C5orf22: variants seen among roughly 807,000 people sequenced by gnomAD.
C5orf22 encodes the protein chromosome 5 open reading frame 22, also known as UPF0489 protein C5orf22.
C5orf22 carries 36 observed loss-of-function variants against 48.7 expected under a neutral mutation model. The ratio of observed to expected loss-of-function variants is 0.74; its 90% CI spans 0.57 to 0.98. C5orf22 has a LOEUF of 0.98. Ranked by LOEUF, C5orf22 falls within the 50% of genes least tolerant of loss-of-function variation. C5orf22 has a pLI of 0.00. For missense variants in C5orf22, 486 were observed against 521.9 expected, an observed-to-expected ratio of 0.93 and a Z score of 0.67; for synonymous variants, 141 against 180.8, an observed-to-expected ratio of 0.78 and a Z score of 1.76.
At chr5:31,547,992 C>T (rs1347246746) in intron 7 of C5orf22, among the ~76,000 whole-genome samples, 1 of 152,174 alleles carries the variant, frequency 6.6e-6, no homozygotes, top group Admixed American at 6.6e-5. Context: ...CTTTTATGCC[C>T]TGTTTCTCTC....
At chr5:31,535,187 A>G (rs1166337718) in intron 2 of C5orf22, 1 of 341,964 alleles carries the variant, frequency 2.9e-6, no homozygotes, top group African/African-American at 2.2e-5. Flanking sequence ...GCAATTCAGT[A>G]TCAAGTGTGA....
intron 6 of C5orf22, among the ~76,000 whole-genome samples, chr5:31,541,772 AAGAG>A (rs1022739533): frequency 6.6e-6 from 1 of 152,142 alleles, no homozygotes; most frequent in African/African-American, 2.4e-5. Context: ...TGTCTCAAAA[AAGAG>A]AGAAAAAAAA....
intron 5 of C5orf22, 76 bp from the exon 6 acceptor site, chr5:31,541,205 G>T (rs1031878367): frequency 1.3e-6 from 2 of 1,497,626 alleles, no homozygotes; most frequent in African/African-American, 2.8e-5. Flanking sequence ...ATAGAGCCAA[G>T]TTTTTTTTGT....
intron 4 of C5orf22, 29 bp from the exon 5 acceptor site, chr5:31,540,920 G>A (rs763190322): frequency 6.5e-7 from 1 of 1,542,148 alleles, no homozygotes; most frequent in Non-Finnish European, 8.9e-7. Flanking sequence ...TTTTTTTCTG[G>A]TATGTGGATT....
rs572537864 is a variant in C5orf22 at position 31,552,024 on chromosome 5, AG to A, written c.1199+593del. 1.3e-3 allele frequency among the ~76,000 whole-genome samples: 196 copies of A among 152,288 alleles called. 1 individual carries two copies. The highest frequency in any genetic ancestry group is 2.3e-3 in the Non-Finnish European group (159 of 68,022). ...ATAACTAATTCCAGTTCTTCTATAA[AG>A]ATTTCTGTGCTGCTCTTCTCACTCT... On this transcript the variant is annotated intron_variant, in intron 8 of 8. Transcript: ENST00000325366.
rs554702774 is a variant in C5orf22, at chr5:31,545,800, G to A, written c.1059+88G>A. The A allele has an allele frequency of 5.6e-5, 46 of 818,952 alleles. No individual in the cohort carries two copies. The African/African-American group carries it at 6.1e-4, about 11-fold the overall frequency. The allele number at this position is 818,952 out of a possible 1,614,324, so 50.7% of individuals were successfully genotyped here. On this transcript the variant is annotated intron_variant, in intron 7 of 8. Transcript: ENST00000325366. ...AATTTCCTTTTTGTTAAAGTGGTTC[G>A]TTTTTGTTTGTGTTCCTGTGAAGTC...
At chr5:31,535,296 A>T (rs1305593196) in intron 2 of C5orf22, among the ~76,000 whole-genome samples, 4 of 152,354 alleles carry the variant, frequency 2.6e-5, no homozygotes, top group African/African-American at 9.6e-5. Flanking sequence ...TATGCTTCAA[A>T]CTATGTAGCA....
intron 6 of C5orf22, among the ~76,000 whole-genome samples, chr5:31,544,965 G>T (rs1279497503): frequency 8.5e-6 from 1 of 118,094 alleles, no homozygotes; most frequent in African/African-American, 3.5e-5. Context: ...ACAAATAAAC[G>T]TGTCCTTAAT....
At chr5:31,536,630 T>C (rs914176077) in intron 3 of C5orf22, among the ~76,000 whole-genome samples, 8 of 152,216 alleles carry the variant, frequency 5.3e-5, no homozygotes, top group Admixed American at 6.5e-5. Context: ...ATAAGTAGAT[T>C]TGGGGCTTTA....
intron 3 of C5orf22, among the ~76,000 whole-genome samples, chr5:31,536,384 G>C (rs1297617946): frequency 6.6e-6 from 1 of 152,116 alleles, no homozygotes; most frequent in East Asian, 1.9e-4. Context: ...TTAGCCGGGC[G>C]TGGTGGCAGG....
At chr5:31,536,514 C>T (rs1006566379) in intron 3 of C5orf22, among the ~76,000 whole-genome samples, 2 of 152,092 alleles carry the variant, frequency 1.3e-5, no homozygotes, top group Non-Finnish European at 2.9e-5. Flanking sequence ...CAGAGTGAGA[C>T]TCTGTCTCAA....
chr5:31,532,512 G>T, intron 1 of C5orf22, 39 bp downstream of exon 1: 1 of 1,569,456 alleles, frequency 6.4e-7, no homozygotes, highest in Non-Finnish European at 8.7e-7. Flanking sequence ...CAGAATCAGC[G>T]GAAGCCCTGA....
chr5:31,540,928 A>G, intron 4 of C5orf22, 21 bp from the exon 5 acceptor site: 1 of 1,584,902 alleles, frequency 6.3e-7, no homozygotes, highest in Non-Finnish European at 8.6e-7. Flanking sequence ...TGGTATGTGG[A>G]TTTTTTGTTT....
chr5:31,532,801 T>C (rs948297932), intron 1 of C5orf22, among the ~76,000 whole-genome samples: 2 of 152,050 alleles, frequency 1.3e-5, no homozygotes, highest in African/African-American at 4.8e-5. Context: ...TAACTCTGGC[T>C]TCCAAGTATC....
intron 4 of C5orf22, 39 bp from the exon 5 acceptor site, chr5:31,540,910 T>C: frequency 3.3e-6 from 5 of 1,497,490 alleles, no homozygotes; most frequent in South Asian, 2.4e-5. Flanking sequence ...TTTTAACTTT[T>C]TTTTTTCTGG....
In C5orf22 at chr5:31,535,142, T is replaced by C. The variant is rs185069723; in HGVS notation, c.228-602T>C. On this transcript the variant is annotated intron_variant, in intron 2 of 8. Transcript: ENST00000325366. ...TAGTGCGCCAAAACTTGAAAAGTAG[T>C]AGTTTATTAAAGCTTATTTGAAATG... The C allele has an allele frequency of 8.9e-4, 339 of 382,666 alleles. 3 individuals carry two copies. The highest frequency in any genetic ancestry group is 5.3e-3 in the South Asian group (273 of 51,816). 23.7% of individuals were successfully genotyped at this position (382,666 alleles called of 1,614,324 possible).
At position 31,541,377 on chromosome 5, in the gene C5orf22, G is replaced by A. The variant is rs753783562; in HGVS notation, c.967G>A (p.Val323Ile). Residue 323 changes from valine to isoleucine, a missense_variant, in exon 6 of 9, where the codon GTA (valine) becomes ATA (isoleucine). Around this residue, in one of 3 missense-constraint regions of C5orf22, gnomAD observed 408 missense variants for 444.0 expected, o/e 0.92. Transcript: ENST00000325366. ...DLCDGDDEET[V>I]QRWASNPGME... The stretch of plus-strand genomic sequence containing the variant: ...GTGTGATGGTGATGATGAAGAAACG[G>A]TACAGAGATGGGCTTCAAACCCTGG... The A allele has an allele frequency of 1.7e-5, 27 of 1,613,854 alleles. No homozygotes were observed. Among genetic ancestry groups the A allele is most frequent in the Non-Finnish European group, 1.4e-5 (16 of 1,179,968 alleles).
At chr5:31,544,854 A>G (rs1742751086) in intron 6 of C5orf22, among the ~76,000 whole-genome samples, 1 of 151,640 alleles carries the variant, frequency 6.6e-6, no homozygotes, top group African/African-American at 2.4e-5. Context: ...GAGATTCCTT[A>G]AGCCCAGGAG....
chr5:31,547,002 A>G (rs1742927195), intron 7 of C5orf22, among the ~76,000 whole-genome samples: 1 of 152,228 alleles, frequency 6.6e-6, no homozygotes, highest in Non-Finnish European at 1.5e-5. Flanking sequence ...ATCTCATCTG[A>G]GACAAGGCAA....
Sources: allele counts gnomAD v4.1 joint callset (sites outside exome capture counted in the v4.1 genomes callset), GRCh38; gene constraint gnomAD v4.1.1; regional missense constraint gnomAD v4.1.1; transcripts MANE v1.5; gene names NCBI Gene and HGNC (gene_info 2026-07-23, HGNC 2026-07-21).